The following DLG5 variants were observed in gnomAD, a reference collection of about 807,000 sequenced individuals.
DLG5 encodes the protein disks large homolog 5.
Under a neutral mutation model 189.8 loss-of-function variants are expected in DLG5, and 48 were observed. The ratio of observed to expected loss-of-function variants is 0.25; its 90% confidence interval spans 0.20 to 0.32. The LOEUF is 0.32. Ranked by LOEUF, DLG5 falls within the 10% of genes least tolerant of loss-of-function variation. The probability of loss-of-function intolerance (pLI) is 1.00; values close to 1 mark genes in which losing one functional copy is unlikely to be tolerated. For missense variants in DLG5, 2,160 were observed against 2,544.7 expected, an observed-to-expected ratio of 0.85 and a Z score of 3.25; for synonymous variants, 1,016 against 1,054.1, an observed-to-expected ratio of 0.96 and a Z score of 0.70.
rs188403918 is a variant in DLG5 at position 77,908,288 on chromosome 10, A to C, written c.304+17929T>G. 4.2e-4 allele frequency among the ~76,000 whole-genome samples: 64 copies of C among 152,192 alleles called. 1 individual carries two copies. The highest frequency in any genetic ancestry group is 4.1e-3 in the Admixed American group (63 of 15,276). On this transcript the variant is annotated intron_variant, in intron 1 of 31. Transcript: ENST00000372391. ...TTCCAATCCTCCTAGCAACTCACAG[A>C]CAGCCAGTCAGACACCTCAGGGGAT... is the stretch of plus-strand genomic sequence containing the variant.
In DLG5 at chr10:77,792,129, G is replaced by T. The variant is rs1210647251; in HGVS notation, c.*311C>A. 2.6e-6 allele frequency: 1 copy of T among 383,248 alleles called. No homozygotes were observed. Among genetic ancestry groups the T allele is most frequent in the African/African-American group, 2.0e-5 (1 of 48,894 alleles). The allele number at this position is 383,248 out of a possible 1,614,324, so 23.7% of individuals were successfully genotyped here. On this transcript the variant is annotated 3_prime_UTR_variant, in exon 32 of 32. Transcript: ENST00000372391. ...ACTTAGAAAAGGCTTGTAAACGAGT[G>T]ATCCGAAAGGTTCTCTTTGCAGCAT...
At chr10:77,894,617 CAG>C (rs1845706268) in intron 1 of DLG5, among the ~76,000 whole-genome samples, 1 of 133,412 alleles carries the variant, frequency 7.5e-6, no homozygotes, top group African/African-American at 2.8e-5. Context: ...CTTTTAAACA[CAG>C]AGGATGGAAG....
chr10:77,808,155 C>A lies in DLG5; in HGVS notation c.4648-211G>T, dbSNP rs148019424. On this transcript the variant is annotated intron_variant, in intron 24 of 31. Coordinates refer to ENST00000372391, the MANE Select transcript of DLG5 (RefSeq NM_004747.4). ...TGCTCCCTGGACACCAGGTCCTCTG[C>A]CAAGTGGCTGCCCTGCCCTTGACAG... 2.9e-3 allele frequency among the ~76,000 whole-genome samples: 442 copies of A among 152,370 alleles called. 2 individuals are homozygous for A. The highest frequency in any genetic ancestry group is 9.6e-3 in the African/African-American group (400 of 41,586).
intron 7 of DLG5, among the ~76,000 whole-genome samples, chr10:77,836,762 GAC>G (rs1589188135): frequency 6.6e-6 from 1 of 152,116 alleles, no homozygotes; most frequent in Non-Finnish European, 1.5e-5. Context: ...ACTCGAGGGT[GAC>G]AGTGCAGTGG....
In DLG5 at chr10:77,904,877, C is replaced by G. The variant is rs190265595; in HGVS notation, c.304+21340G>C. ...GGCGCGGTGGCTCAGGCCTGTAATC[C>G]CAACACTTTGAGAGGCTGAGGCGGG... On this transcript the variant is annotated intron_variant, in intron 1 of 31. Transcript: ENST00000372391. Among the ~76,000 whole-genome samples the G allele has an allele frequency of 1.4e-3, 205 of 150,628 alleles. 2 individuals carry two copies. Among genetic ancestry groups the G allele is most frequent in the African/African-American group, 4.4e-3 (180 of 41,030 alleles).
Position 77,869,148 on chromosome 10 carries a change from G to A in DLG5, c.354C>T (p.Ser118=). 1 of 1,613,896 alleles carries A rather than the reference G, an allele frequency of 6.2e-7. No individual in the cohort carries two copies. The highest frequency in any genetic ancestry group is 2.2e-5 in the East Asian group (1 of 44,850). ...LSTMPSDSES[S]SSLSSVGTTG... ...ACTCACCCACACTGCTGAGGGAGCTGCTGCTTTCTGAGTCTGAGGGCATGG... is the reference window on the plus strand; with the variant it reads ...ACTCACCCACACTGCTGAGGGAGCTACTGCTTTCTGAGTCTGAGGGCATGG... Residue 118 remains serine (S), a synonymous_variant, in exon 2 of 32, where the codon AGC becomes AGT. Transcript: ENST00000372391.
chr10:77,939,282 C>T, the DLG5 span, among the ~76,000 whole-genome samples: 25 of 152,256 alleles, frequency 1.6e-4, 5 homozygotes, highest in East Asian at 9.7e-4. Context: ...AGTGGCCCTG[C>T]CTGCCCTGCC....
chr10:77,821,745 C>G lies in DLG5; in HGVS notation c.2739G>C (p.Arg913=). The G allele has an allele frequency of 2.5e-6, 4 of 1,609,380 alleles. No individual in the cohort carries two copies. Among genetic ancestry groups the G allele is most frequent in the Non-Finnish European group, 3.4e-6 (4 of 1,178,442 alleles). ...RGFGLVDVRG[R]RPLLPFETEV... ...CGGTCTCAAAGGGCAGCAGTGGCCG[C>G]CGGCCACGCACGTCCACCAGCCCAA... The change falls in exon 15 of 32, where the codon CGG becomes CGC. Residue 913 remains arginine, a synonymous_variant. Transcript: ENST00000372391.
At chr10:77,805,933 T>C (rs565102177) in intron 26 of DLG5, 72 bp from the exon 27 acceptor site, 1 of 1,465,544 alleles carries the variant, frequency 6.8e-7, no homozygotes, top group Non-Finnish European at 9.3e-7. Flanking sequence ...CCCTTCCTGG[T>C]GAGAAAAGCA....
upstream of DLG5, chr10:77,926,955 G>A (rs1211159122): frequency 2.6e-6 from 1 of 380,040 alleles, no homozygotes; most frequent in Non-Finnish European, 5.3e-6. This position sits in a 1 kb window ranked among gnomAD's most constrained non-coding sequence, Gnocchi z 5.2. Flanking sequence ...ACAACTCCCG[G>A]GAGAAAGTCG....
In DLG5 at chr10:77,842,165, T is replaced by C. The variant is rs375143522; in HGVS notation, c.1153A>G (p.Lys385Glu). The change falls in exon 7 of 32, where the codon AAG becomes GAG. Residue 385 changes from lysine (K) to glutamate (E), a missense_variant. Around this residue, in one of 5 missense-constraint regions of DLG5, gnomAD observed 664 missense variants for 838.5 expected, o/e 0.79. Transcript: ENST00000372391. ...AGGTCCTTGTTCTGCGCCGTGGCCT[T>C]GTTCAGCTCATGGTGGATCGCCTCA... ...RFEAIHHELN[K>E]ATAQNKDLQW... is the part of the protein sequence containing the mutation. The C allele has an allele frequency of 5.0e-6, 8 of 1,606,034 alleles. No individual in the cohort carries two copies. The highest frequency in any genetic ancestry group is 5.9e-6 in the Non-Finnish European group (7 of 1,179,978).
the DLG5 span, among the ~76,000 whole-genome samples, chr10:77,939,467 G>A: frequency 6.6e-6 from 1 of 152,114 alleles, no homozygotes; most frequent in Non-Finnish European, 1.5e-5. Context: ...ACCCTTCCAC[G>A]GCATTCAGAG....
rs1846190927 is a variant in DLG5, at chr10:77,910,650, G to T, written c.304+15567C>A. ...AAAGTGGTTTCTAAGATCCCTTCCA[G>T]CCATGGCATTCAACAATCATAGGCT... On this transcript the variant is annotated intron_variant, in intron 1 of 31. Coordinates refer to ENST00000372391, the MANE Select transcript of DLG5 (RefSeq NM_004747.4). 2.6e-5 allele frequency among the ~76,000 whole-genome samples: 4 copies of T among 152,264 alleles called. No individual in the cohort carries two copies. The South Asian group carries it at 8.3e-4, about 32-fold the overall frequency.
Position 77,821,316 on chromosome 10 carries a change from G to A in DLG5, c.3168C>T (p.Asp1056=), listed in dbSNP as rs1489605855. ...SPPSALPPDV[D]PGEPMHASPP... ...GTGATGCGTGCATGGGCTCCCCGGG[G>A]TCCACGTCAGGGGGCAGGGCGCTCG... The change falls in exon 15 of 32, where the codon GAC becomes GAT. Residue 1056 remains aspartate, a synonymous_variant. Coordinates refer to ENST00000372391, the MANE Select transcript of DLG5 (RefSeq NM_004747.4). 1 of 1,613,392 alleles carries A rather than the reference G, an allele frequency of 6.2e-7. No individual in the cohort carries two copies. The highest frequency in any genetic ancestry group is 1.3e-5 in the African/African-American group (1 of 75,028).
chr10:77,902,862 A>T (rs958323514), intron 1 of DLG5, among the ~76,000 whole-genome samples: 39 of 112,868 alleles, frequency 3.5e-4, no homozygotes, highest in African/African-American at 1.6e-3. Flanking sequence ...TCCATCTCAA[A>T]AAATAAATAA....
chr10:77,903,739 A>T (rs1845997623), intron 1 of DLG5, among the ~76,000 whole-genome samples: 1 of 150,908 alleles, frequency 6.6e-6, no homozygotes, highest in African/African-American at 2.5e-5. Flanking sequence ...ATATCTCATT[A>T]TGTATATGGG....
At chr10:77,842,325 T>C in intron 6 of DLG5, 132 bp from the exon 7 acceptor site, 1 of 1,126,684 alleles carries the variant, frequency 8.9e-7, no homozygotes, top group Non-Finnish European at 1.2e-6. Flanking sequence ...AGTCACTCTC[T>C]CCACCCCCAG....
chr10:77,880,128 A>G (rs1336934929), intron 1 of DLG5, among the ~76,000 whole-genome samples: 2 of 152,146 alleles, frequency 1.3e-5, no homozygotes, highest in Admixed American at 6.5e-5. Context: ...AGAAGTGGGT[A>G]GTGAGATGGG....
chr10:77,825,904 A>C lies in DLG5; in HGVS notation c.2290-1428T>G, dbSNP rs542026474. On this transcript the variant is annotated intron_variant, in intron 13 of 31. Transcript: ENST00000372391. ...ATCTGCAGAGTGATTATCTGGAAGT[A>C]GTAAATTAATTTGTGGTTTTTTCCT... Among the ~76,000 whole-genome samples, 9 of 152,322 alleles carry C rather than the reference A, an allele frequency of 5.9e-5. No homozygotes were observed. The South Asian group carries it at 1.9e-3, about 32-fold the overall frequency.
Sources: gnomAD v4.1 joint callset for allele counts (sites outside exome capture counted in the v4.1 genomes callset) on GRCh38, gnomAD v4.1.1 for gene constraint, gnomAD v4.1.1 regional missense constraint, Gnocchi (gnomAD v3.1) non-coding constraint, MANE v1.5 for transcripts, NCBI Gene and HGNC (gene_info 2026-07-23, HGNC 2026-07-21) for gene names.